The following HDAC2 variants were observed in gnomAD, a reference collection of about 807,000 sequenced individuals.
The protein encoded by HDAC2 is histone deacetylase 2, also known as YY1-associated factor 1.
A neutral mutation model predicts 68.5 loss-of-function variants in HDAC2; 5 were observed. The ratio of observed to expected loss-of-function variants is 0.07; its 90% confidence interval spans 0.04 to 0.15. The LOEUF is 0.15. HDAC2 is among the 10% of genes least tolerant of loss of function. The pLI is 1.00. For missense variants in HDAC2, 291 were observed against 600.8 expected (o/e 0.48, Z 5.39); for synonymous variants, 182 against 191.3 (o/e 0.95, Z 0.40).
In HDAC2 at chr6:113,938,969, A is replaced by C. The variant is rs1582472906; in HGVS notation, c.*2089T>G. The C allele has an allele frequency of 1.3e-5, 2 of 152,022 alleles. No individual in the cohort carries two copies. 9.4% of individuals were successfully genotyped at this position (152,022 alleles called of 1,614,324 possible). A position where few individuals can be genotyped will look rare whatever the true frequency, so the allele number is the denominator to read the frequency against. On this transcript the variant is annotated 3_prime_UTR_variant, in exon 14 of 14. Transcript: ENST00000519065. Reference sequence around the variant, plus strand: ...GATCCAGTATAGTATTGAAGTGTACAATTTCAGTATGTTCACACAATGGAA... The same window carrying C: ...GATCCAGTATAGTATTGAAGTGTACCATTTCAGTATGTTCACACAATGGAA...
At chr6:113,944,079 T>C (rs528360766) in intron 11 of HDAC2, among the ~76,000 whole-genome samples, 2 of 152,360 alleles carry the variant, frequency 1.3e-5, no homozygotes, top group Admixed American at 6.5e-5. Flanking sequence ...CATATATGTA[T>C]ATCCAGCCAT....
chr6:113,958,035 T>G (rs1434261544), intron 3 of HDAC2, among the ~76,000 whole-genome samples: 1 of 152,254 alleles, frequency 6.6e-6, no homozygotes, highest in Non-Finnish European at 1.5e-5. Context: ...AGTATAATCA[T>G]CACTGAAGTC....
chr6:113,969,248 TA>T (rs973034750), intron 1 of HDAC2, among the ~76,000 whole-genome samples: 2 of 152,240 alleles, frequency 1.3e-5, no homozygotes, highest in African/African-American at 4.8e-5. Flanking sequence ...AAATCATTTT[TA>T]AAAGTAGGGC....
intron 1 of HDAC2, among the ~76,000 whole-genome samples, chr6:113,965,471 C>T (rs575075526): frequency 3.1e-4 from 47 of 151,990 alleles, no homozygotes; most frequent in South Asian, 6.2e-4. Flanking sequence ...CGGGTTCAAG[C>T]GATTCTCCTG....
Position 113,936,786 on chromosome 6 carries a change from G to C in HDAC2, c.*4272C>G, listed in dbSNP as rs1053173474. On this transcript the variant is annotated 3_prime_UTR_variant, in exon 14 of 14. Coordinates refer to ENST00000519065, the MANE Select transcript of HDAC2 (RefSeq NM_001527.4). ...GCGGGTGGATCATTTGAGGTAAGGA[G>C]TTCAAGACCAGCCTGGACAATATGG... The C allele has an allele frequency of 1.3e-5, 2 of 152,284 alleles. No homozygotes were observed. The highest frequency in any genetic ancestry group is 2.9e-5 in the Non-Finnish European group (2 of 68,168). 9.4% of individuals were successfully genotyped at this position (152,284 alleles called of 1,614,324 possible).
At chr6:113,970,708 T>C (rs905414053) in intron 1 of HDAC2, 149 bp downstream of exon 1, 65 of 1,389,980 alleles carry the variant, frequency 4.7e-5, no homozygotes, top group Non-Finnish European at 5.9e-5. Context: ...TCGTTCTAAC[T>C]GTGCCGGGCC....
At position 113,971,027 on chromosome 6, in the gene HDAC2, C is replaced by A. The variant is rs867173344; in HGVS notation, c.-119G>T. On this transcript the variant is annotated 5_prime_UTR_variant, in exon 1 of 14. Transcript: ENST00000519065. Reference sequence around the variant, plus strand: ...GAGGGAAACGTGGGGGCGATAGTCCCGCGGGGAAGGGCAGGCCGGTGGGAG... The same window carrying A: ...GAGGGAAACGTGGGGGCGATAGTCCAGCGGGGAAGGGCAGGCCGGTGGGAG... 6.3e-7 allele frequency: 1 copy of A among 1,575,350 alleles called. No individual in the cohort carries two copies. Among genetic ancestry groups the A allele is most frequent in the African/African-American group, 1.3e-5 (1 of 74,380 alleles).
Position 113,953,385 on chromosome 6 carries a change from A to G in HDAC2, c.531T>C (p.Asp177=), listed in dbSNP as rs1156327022. Residue 177 remains aspartate, a synonymous_variant, in exon 6 of 14, where the codon GAT becomes GAC. Coordinates refer to ENST00000519065, the MANE Select transcript of HDAC2 (RefSeq NM_001527.4). ...CTTCAACACCATCACCATGATGAATATCTATATCAATATATAAGACTCTCT... is the reference window on the plus strand; with the variant it reads ...CTTCAACACCATCACCATGATGAATGTCTATATCAATATATAAGACTCTCT... ...YHQRVLYIDI[D]IHHGDGVEEA... is the part of the protein sequence containing the mutation. 1 of 1,574,898 alleles carries G rather than the reference A, an allele frequency of 6.3e-7. No homozygotes were observed. Among genetic ancestry groups the G allele is most frequent in the South Asian group, 1.1e-5 (1 of 90,038 alleles).
chr6:113,970,562 C>T lies in HDAC2; in HGVS notation c.52+295G>A, dbSNP rs559796928. The T allele has an allele frequency of 6.4e-6, 8 of 1,240,918 alleles. No individual in the cohort carries two copies. The South Asian group carries it at 1.7e-4, about 27-fold the overall frequency. The allele number at this position is 1,240,918 out of a possible 1,614,324, so 76.9% of individuals were successfully genotyped here. A position where few individuals can be genotyped will look rare whatever the true frequency, so the allele number is the denominator to read the frequency against. On this transcript the variant is annotated intron_variant, in intron 1 of 13. Coordinates refer to ENST00000519065, the MANE Select transcript of HDAC2 (RefSeq NM_001527.4). ...GCCGCCACCACCAAGGCGGGGTAGG[C>T]CGGCGCCGTCCCCAGCGGCGGCCAC...
Position 113,944,093 on chromosome 6 carries a change from A to T in HDAC2, c.1222+187T>A, listed in dbSNP as rs188684598. Among the ~76,000 whole-genome samples, 84 of 152,334 alleles carry T rather than the reference A, an allele frequency of 5.5e-4. 1 individual carries two copies. The highest frequency in any genetic ancestry group is 8.5e-4 in the Admixed American group (13 of 15,310). ...TCATATATGTATATCCAGCCATACA[A>T]ACTGAAACTGCTGACACCCAAATCA... On this transcript the variant is annotated intron_variant, in intron 11 of 13. Transcript: ENST00000519065.
chr6:113,963,155 C>A (rs1431098059), intron 1 of HDAC2, among the ~76,000 whole-genome samples: 1 of 151,506 alleles, frequency 6.6e-6, no homozygotes, highest in Non-Finnish European at 1.5e-5. Flanking sequence ...GTGATCTTGG[C>A]TCACTGCAAC....
rs966502661 is a variant in HDAC2 at position 113,944,335 on chromosome 6, A to G, written c.1167T>C (p.Ala389=). The G allele has an allele frequency of 6.2e-7, 1 of 1,613,174 alleles. No homozygotes were observed. The highest frequency in any genetic ancestry group is 8.5e-7 in the Non-Finnish European group (1 of 1,179,124). Residue 389 remains alanine (A), a synonymous_variant, in exon 11 of 14, where the codon GCT becomes GCC. Coordinates refer to ENST00000519065, the MANE Select transcript of HDAC2 (RefSeq NM_001527.4). Reference sequence around the variant, plus strand: ...CTTCATCTCCACTGTCTTCATGAACAGCATCTTCTGGAATAGCTTGCATCT... The same window carrying G: ...CTTCATCTCCACTGTCTTCATGAACGGCATCTTCTGGAATAGCTTGCATCT... The part of the protein sequence containing the change: ...GVQMQAIPED[A]VHEDSGDEDG...
chr6:113,952,156 G>A (rs1467701556), intron 6 of HDAC2, among the ~76,000 whole-genome samples: 3 of 152,182 alleles, frequency 2.0e-5, no homozygotes, highest in East Asian at 3.8e-4. Flanking sequence ...AAGTTCCCAG[G>A]TGATGCTGAT....
At chr6:113,948,115 G>C (rs1380681556) in intron 8 of HDAC2, 1 of 151,960 alleles carries the variant, frequency 6.6e-6, no homozygotes, top group African/African-American at 2.4e-5. Context: ...ATTTTGCTTT[G>C]GCCTAGCCTT....
At chr6:113,965,766 T>C (rs563160526) in intron 1 of HDAC2, among the ~76,000 whole-genome samples, 6 of 152,332 alleles carry the variant, frequency 3.9e-5, no homozygotes, top group African/African-American at 1.2e-4. Context: ...TTAAGCCTAT[T>C]TGATATGTCT....
intron 12 of HDAC2, among the ~76,000 whole-genome samples, chr6:113,942,981 C>T (rs556526151): frequency 2.0e-5 from 3 of 152,196 alleles, no homozygotes; most frequent in South Asian, 2.1e-4. Flanking sequence ...TGTTTTCTCC[C>T]ATTAAATAAG....
chr6:113,933,457 C>T lies in HDAC2; in HGVS notation c.*7601G>A, dbSNP rs933726268. ...CCTGGACCTGAGATTCGATCCTATC[C>T]CATCCCATCTTATCCCATCTCCTTC... On this transcript the variant is annotated 3_prime_UTR_variant, in exon 14 of 14. Transcript: ENST00000519065. 2.0e-5 allele frequency: 3 copies of T among 152,108 alleles called. No individual in the cohort carries two copies. Among genetic ancestry groups the T allele is most frequent in the African/African-American group, 7.2e-5 (3 of 41,408 alleles). The allele number at this position is 152,108 out of a possible 1,614,324, so 9.4% of individuals were successfully genotyped here. A position where few individuals can be genotyped will look rare whatever the true frequency, so the allele number is the denominator to read the frequency against.
intron 1 of HDAC2, among the ~76,000 whole-genome samples, chr6:113,968,112 T>A (rs1433038383): frequency 6.6e-6 from 1 of 152,218 alleles, no homozygotes; most frequent in Non-Finnish European, 1.5e-5. Context: ...ACATTCTGTG[T>A]GGCCAAGAGG....
chr6:113,966,313 G>A (rs1429418574), intron 1 of HDAC2, among the ~76,000 whole-genome samples: 1 of 152,162 alleles, frequency 6.6e-6, no homozygotes, highest in Non-Finnish European at 1.5e-5. Context: ...ACTTAGGGAG[G>A]CTGAGGTGGG....
Sources: gnomAD v4.1 joint callset for allele counts (sites outside exome capture counted in the v4.1 genomes callset) on GRCh38, gnomAD v4.1.1 for gene constraint, MANE v1.5 for transcripts, NCBI Gene and HGNC (gene_info 2026-07-23, HGNC 2026-07-21) for gene names.